The following SEMA4G variants were observed in gnomAD, a reference collection of about 807,000 sequenced individuals.
SEMA4G encodes semaphorin-4G.
In SEMA4G, 59 loss-of-function variants were observed where a neutral mutation model predicts 81.2. That is an observed-to-expected ratio of 0.73 (90% CI 0.59 to 0.90). The LOEUF (loss-of-function observed/expected upper bound fraction) is 0.90. SEMA4G is among the 40% of genes least tolerant of loss of function. The pLI, the probability that SEMA4G is intolerant of heterozygous loss-of-function variation, is 0.00. For synonymous variants in SEMA4G, 404 were observed against 433.9 expected, an observed-to-expected ratio of 0.93 and a Z score of 0.86; for missense variants, 952 against 1,102.3, an observed-to-expected ratio of 0.86 and a Z score of 1.93.
intron 13 of SEMA4G, chr10:100,981,534 G>A: frequency 6.2e-7 from 1 of 1,614,038 alleles, no homozygotes. Flanking sequence ...TCGGATGACT[G>A]AACTGATATC....
At chr10:100,980,728 C>T in intron 11 of SEMA4G, 35 bp downstream of exon 12, 1 of 1,607,938 alleles carries the variant, frequency 6.2e-7, no homozygotes, top group South Asian at 1.1e-5. Context: ...TATAGCCTTG[C>T]TGAAATAGGA....
downstream of SEMA4G, chr10:100,984,912 T>G (rs576676078): frequency 6.9e-7 from 1 of 1,452,580 alleles, no homozygotes; most frequent in Admixed American, 2.5e-5. Flanking sequence ...GCTCCAGGCA[T>G]GTCCCATCCC....
chr10:100,984,938 A>G (rs1851362081), downstream of SEMA4G: 1 of 1,287,330 alleles, frequency 7.8e-7, no homozygotes. Context: ...ACATGTGGTA[A>G]CACACACCTG....
In SEMA4G at chr10:100,984,503, G is replaced by T. The variant is rs565832622; in HGVS notation, c.*372G>T. 9 of 1,535,548 alleles carry T rather than the reference G, an allele frequency of 5.9e-6. No homozygotes were observed. The African/African-American group carries it at 1.2e-4, about 21-fold the overall frequency. ...TCTTTCTCCCAGGCAGGGCTCTGCA[G>T]GTCCATATGGGCTCAATGTCACCAC... On this transcript the variant is annotated 3_prime_UTR_variant, in exon 14 of 14. Coordinates refer to ENST00000370250, the Ensembl canonical transcript of SEMA4G.
downstream of SEMA4G, chr10:100,984,998 T>C (rs570837619): frequency 7.8e-6 from 10 of 1,276,984 alleles, no homozygotes; most frequent in East Asian, 2.6e-5. Flanking sequence ...TGAGCCTCCC[T>C]TGCTGTCTTG....
chr10:100,971,336 T>TGG (rs1371268750), upstream of SEMA4G, among the ~76,000 whole-genome samples: 5 of 151,936 alleles, frequency 3.3e-5, no homozygotes, highest in Non-Finnish European at 5.9e-5. Context: ...CAGGGAGGGG[T>TGG]GGGGCATGGC....
chr10:100,983,586 G>C (rs1851244380), exon 14 of SEMA4G: 1 of 1,613,842 alleles, frequency 6.2e-7, no homozygotes, highest in Admixed American at 1.7e-5. Context: ...TCCTGCCCCA[G>C]CTCCAAAAGC....
rs149008935 is a variant in SEMA4G at position 100,978,305 on chromosome 10, C to G, written c.446C>G (p.Ala149Gly). 29 of 1,612,736 alleles carry G rather than the reference C, an allele frequency of 1.8e-5. 1 individual carries two copies. Among genetic ancestry groups the G allele is most frequent in the Middle Eastern group, 3.4e-4 (2 of 5,918 alleles). Residue 149 changes from alanine to glycine, a missense_variant, in exon 5 of 14, where the codon GCC (alanine) becomes GGC (glycine). By Grantham distance (60) the Ala-to-Gly change is moderately conservative (BLOSUM62 0). This residue lies in a region of SEMA4G where 436 missense variants were observed against 488.2 expected (regional missense o/e 0.89). Coordinates refer to ENST00000370250, the Ensembl canonical transcript of SEMA4G. ...TTCCTTGTTCCCTAGGATGCTGAGG[C>G]CTTCACCTTGCCAACCAGCTTCGAG...
rs1272774402 is a variant in SEMA4G, at chr10:100,983,869, G to A, written c.2255G>A (p.Ser752Asn). The A allele has an allele frequency of 1.3e-6, 2 of 1,567,448 alleles. No individual in the cohort carries two copies. Among genetic ancestry groups the A allele is most frequent in the Non-Finnish European group, 1.7e-6 (2 of 1,156,912 alleles). The change falls in exon 14 of 14, where the codon AGC (serine) becomes AAC (asparagine). Residue 752 changes from serine to asparagine, a missense_variant. Transcript: ENST00000370250. ...GAGGGGGCTGGGGGCCTGGAGGGCA[G>A]CTGTCTCCAGATCATCCCTGGGGAG... is the stretch of plus-strand genomic sequence containing the variant.
intron 13 of SEMA4G, chr10:100,981,683 A>T: frequency 9.2e-7 from 1 of 1,086,336 alleles, no homozygotes; most frequent in South Asian, 1.4e-5. Context: ...CATTATTATT[A>T]TCCCCATGAG....
At chr10:100,981,069 A>G in intron 12 of SEMA4G, 72 bp downstream of exon 13, 1 of 1,598,648 alleles carries the variant, frequency 6.3e-7, no homozygotes, top group Non-Finnish European at 8.6e-7. Context: ...CTACTGGGGG[A>G]GTGCAGGGGC....
rs1344402684 is a variant in SEMA4G at position 100,973,032 on chromosome 10, T to C, written c.120T>C (p.Tyr40=). ...CCACCCCTCGGATGACCATACCCTATGAAGGTTAGACCCTCAACCTCAAAA... is the reference window on the plus strand; with the variant it reads ...CCACCCCTCGGATGACCATACCCTACGAAGGTTAGACCCTCAACCTCAAAA... Residue 40 remains tyrosine, a synonymous_variant, in exon 1 of 14, where the codon TAT becomes TAC. Transcript: ENST00000370250. The surrounding 1 kb of genome is among the most constrained non-coding windows in gnomAD (Gnocchi z 5.5). The C allele has an allele frequency of 1.2e-6, 2 of 1,614,130 alleles. No individual in the cohort carries two copies. The highest frequency in any genetic ancestry group is 2.2e-5 in the South Asian group (2 of 91,080).
rs764116745 is a variant in SEMA4G, at chr10:100,984,070, G to A, written c.2456G>A (p.Arg819His). 1.4e-5 allele frequency: 23 copies of A among 1,613,550 alleles called. No individual in the cohort carries two copies. In the Admixed American group the frequency reaches 1.7e-4, roughly 12 times the overall value. Residue 819 changes from arginine to histidine, a missense_variant, in exon 14 of 14, where the codon CGC (arginine) becomes CAC (histidine). Transcript: ENST00000370250. The stretch of plus-strand genomic sequence containing the variant: ...TGCTCCTTCGCCGAGGAACTCAGCC[G>A]CATCCTGGAAAAAAGGAAGCACACG...
chr10:100,971,442 A>T (rs1850628557), upstream of SEMA4G, among the ~76,000 whole-genome samples: 1 of 151,636 alleles, frequency 6.6e-6, no homozygotes. Context: ...TTCATATTTG[A>T]CTCTACCCCT....
At chr10:100,972,095 A>G (rs1339693612), upstream of SEMA4G, among the ~76,000 whole-genome samples, 4 of 152,158 alleles carry the variant, frequency 2.6e-5, no homozygotes, top group East Asian at 7.7e-4. Flanking sequence ...AAACAAAGGG[A>G]AAGCAGGACA....
chr10:100,984,280 C>T, exon 14 of SEMA4G: 4 of 1,439,730 alleles, frequency 2.8e-6, no homozygotes, highest in Non-Finnish European at 3.6e-6. Context: ...GCTGGCCAGT[C>T]AGGCCCAGCC....
At position 100,980,978 on chromosome 10, in the gene SEMA4G, A is replaced by G. The variant is rs984794076; in HGVS notation, c.1624A>G (p.Asn542Asp). The stretch of plus-strand genomic sequence containing the variant: ...CTGCGCAGCAGCCACCACCATAGCC[A>G]ACAGGTCCCAGGGAAGCAGGTGGGA... The change falls in exon 12 of 14, where the codon AAC (asparagine) becomes GAC (aspartate). Residue 542 changes from asparagine (N) to aspartate (D), a missense_variant. Asn to Asp is a conservative substitution (Grantham distance 23). Transcript: ENST00000370250. 18 of 1,600,600 alleles carry G rather than the reference A, an allele frequency of 1.1e-5. No homozygotes were observed. In the African/African-American group the frequency reaches 1.3e-4, roughly 12 times the overall value.
At chr10:100,970,189 G>A (rs907062968), upstream of SEMA4G, among the ~76,000 whole-genome samples, 1 of 152,080 alleles carries the variant, frequency 6.6e-6, no homozygotes, top group Non-Finnish European at 1.5e-5. Context: ...CAGGGGGCTG[G>A]CCCTGGGGAA....
chr10:100,978,138 T>C, intron 4 of SEMA4G, 157 bp from the exon 6 acceptor site: 1 of 613,900 alleles, frequency 1.6e-6, no homozygotes, highest in Non-Finnish European at 2.9e-6. Flanking sequence ...CATAAGGTCA[T>C]TCTCAGGGGA....
Sources: allele counts gnomAD v4.1 joint callset (sites outside exome capture counted in the v4.1 genomes callset), GRCh38; gene constraint gnomAD v4.1.1; regional missense constraint gnomAD v4.1.1; non-coding constraint Gnocchi (gnomAD v3.1); transcripts MANE v1.5; gene names NCBI Gene and HGNC (gene_info 2026-07-23, HGNC 2026-07-21).